ADGRL2: variants seen among roughly 807,000 people sequenced by gnomAD.
ADGRL2 encodes adhesion G protein-coupled receptor L2, also known as calcium-independent alpha-latrotoxin receptor 2.
A neutral mutation model predicts 157.4 loss-of-function variants in ADGRL2; 44 were observed. The ratio of observed to expected loss-of-function variants is 0.28; its 90% CI spans 0.22 to 0.36. The LOEUF (loss-of-function observed/expected upper bound fraction) is 0.36, where lower values mean the gene tolerates loss of function less well. Ranked by LOEUF, ADGRL2 falls within the 10% of genes least tolerant of loss-of-function variation. The pLI, the probability that ADGRL2 is intolerant of heterozygous loss-of-function variation, is 1.00. For missense variants in ADGRL2, 1,510 were observed against 1,768.9 expected, an observed-to-expected ratio of 0.85 and a Z score of 2.63; for synonymous variants, 585 against 624.7, an observed-to-expected ratio of 0.94 and a Z score of 0.95.
intron 3 of ADGRL2, among the ~76,000 whole-genome samples, chr1:81,918,994 A>G (rs989808198): frequency 1.2e-4 from 18 of 152,136 alleles, no homozygotes; most frequent in Admixed American, 4.6e-4. Flanking sequence ...TTTAGACCCC[A>G]CAAAACTTGA....
intron 2 of ADGRL2, among the ~76,000 whole-genome samples, chr1:81,844,796 A>C (rs1336504560): frequency 6.6e-6 from 1 of 152,194 alleles, no homozygotes; most frequent in Non-Finnish European, 1.5e-5. Context: ...TCAGCACTTC[A>C]GGAAGCAGAA....
intron 3 of ADGRL2, among the ~76,000 whole-genome samples, chr1:81,674,025 T>C (rs1277928195): frequency 1.3e-5 from 2 of 152,160 alleles, no homozygotes; most frequent in African/African-American, 4.8e-5. Flanking sequence ...ATTATCTGAG[T>C]CCTGGCAACA....
intron 1 of ADGRL2, among the ~76,000 whole-genome samples, chr1:81,353,640 G>GA (rs1377159846): frequency 2.2e-4 from 33 of 152,280 alleles, no homozygotes; most frequent in Middle Eastern, 6.8e-3. Flanking sequence ...GTGAAGAAGA[G>GA]AAAAAAATCT....
intron 1 of ADGRL2, among the ~76,000 whole-genome samples, chr1:81,341,239 A>G (rs1251954332): frequency 1.3e-5 from 2 of 152,182 alleles, no homozygotes; most frequent in South Asian, 4.1e-4. Flanking sequence ...AGGAAACTCA[A>G]TATTGATTAT....
intron 17 of ADGRL2, among the ~76,000 whole-genome samples, chr1:81,972,121 C>T (rs1331124766): frequency 2.0e-5 from 3 of 151,986 alleles, no homozygotes; most frequent in South Asian, 2.1e-4. Flanking sequence ...CTAAAAAGTA[C>T]TTTTTCTCAT....
intron 3 of ADGRL2, among the ~76,000 whole-genome samples, chr1:81,602,453 C>A (rs141727877): frequency 4.6e-5 from 7 of 151,936 alleles, no homozygotes; most frequent in African/African-American, 1.7e-4. Flanking sequence ...AATAGCCCGG[C>A]GTGGTGGTGG....
chr1:81,984,645 G>A lies in ADGRL2; in HGVS notation c.3345G>A (p.Glu1115=). 6.2e-7 allele frequency: 1 copy of A among 1,612,918 alleles called. No individual in the cohort carries two copies. The highest frequency in any genetic ancestry group is 1.3e-5 in the African/African-American group (1 of 74,938). Reference sequence around the variant, plus strand: ...ACTGCTGTGGAGGCCTCCCAACTGAGAGTCCCCACAGTTCAGTGAAGGCAT... The same window carrying A: ...ACTGCTGTGGAGGCCTCCCAACTGAAAGTCCCCACAGTTCAGTGAAGGCAT... ...HSYCCGGLPT[E]SPHSSVKAST... Residue 1115 remains glutamate (E), a synonymous_variant, in exon 20 of 24, where the codon GAG becomes GAA. Transcript: ENST00000686636.
At position 81,969,161 on chromosome 1, in the gene ADGRL2, T is replaced by A; in HGVS notation, c.2524-17T>A. ...AATGCAGGAATACTAATGTTCCTCA[T>A]ATCTTTTTATTTTCAGTATAAAGAT... On this transcript the variant is annotated splice_polypyrimidine_tract_variant and intron_variant, in intron 14 of 23. Coordinates refer to ENST00000686636, the MANE Select transcript of ADGRL2 (RefSeq NM_001366006.2). 6.4e-7 allele frequency: 1 copy of A among 1,570,024 alleles called. No individual in the cohort carries two copies. Among genetic ancestry groups the A allele is most frequent in the African/African-American group, 1.3e-5 (1 of 74,136 alleles).
chr1:81,834,419 G>A (rs1261606468), intron 1 of ADGRL2, among the ~76,000 whole-genome samples: 1 of 152,096 alleles, frequency 6.6e-6, no homozygotes, highest in Non-Finnish European at 1.5e-5. Context: ...CTATGCCAGT[G>A]GTTTGGCTCC....
chr1:81,680,068 T>G (rs1226982032), intron 3 of ADGRL2, among the ~76,000 whole-genome samples: 1 of 152,170 alleles, frequency 6.6e-6, no homozygotes, highest in Admixed American at 6.5e-5. Context: ...GGGAAAATAG[T>G]GTAAAGTTAC....
chr1:81,476,169 GAGAA>G (rs901703635), intron 2 of ADGRL2, among the ~76,000 whole-genome samples: 1 of 151,316 alleles, frequency 6.6e-6, no homozygotes, highest in East Asian at 1.9e-4. Context: ...GTGACAGAGA[GAGAA>G]AGAAAAAGAA....
rs574008631 is a variant in ADGRL2 at position 81,949,681 on chromosome 1, G to A, written c.1211-508G>A. ...TGATCATGCTCAGGCAAGAACGGCT[G>A]CTGGGTGGAAAGATGTCACAGTATT... On this transcript the variant is annotated intron_variant, in intron 6 of 23. Coordinates refer to ENST00000686636, the MANE Select transcript of ADGRL2 (RefSeq NM_001366006.2). Among the ~76,000 whole-genome samples, 6 of 152,340 alleles carry A rather than the reference G, an allele frequency of 3.9e-5. No individual in the cohort carries two copies. In the South Asian group the frequency reaches 1.2e-3, roughly 32 times the overall value.
chr1:81,493,188 A>C (rs1273555126), intron 2 of ADGRL2, among the ~76,000 whole-genome samples: 2 of 152,208 alleles, frequency 1.3e-5, no homozygotes, highest in East Asian at 1.9e-4. Flanking sequence ...AGAAATTATC[A>C]AACAAATGTA....
chr1:81,526,719 T>C (rs916342128), intron 2 of ADGRL2, among the ~76,000 whole-genome samples: 1 of 152,246 alleles, frequency 6.6e-6, no homozygotes, highest in Admixed American at 6.5e-5. Context: ...CTTATGTAAA[T>C]ATGCCTACCT....
intron 3 of ADGRL2, among the ~76,000 whole-genome samples, chr1:81,592,723 A>G (rs1297603174): frequency 6.6e-6 from 1 of 152,156 alleles, no homozygotes; most frequent in Non-Finnish European, 1.5e-5. Flanking sequence ...TTGGTCCTAC[A>G]GGAAGCTCTG....
chr1:81,535,010 A>G (rs1395552074), intron 2 of ADGRL2, among the ~76,000 whole-genome samples: 1 of 152,016 alleles, frequency 6.6e-6, no homozygotes, highest in Non-Finnish European at 1.5e-5. Context: ...TCTCTTTTTA[A>G]CCCACAATCA....
intron 3 of ADGRL2, chr1:81,586,252 A>G (rs1459532586): frequency 6.6e-6 from 1 of 152,032 alleles, no homozygotes; most frequent in African/African-American, 2.4e-5. Context: ...ACATATCTGT[A>G]ATCTTCACCC....
intron 1 of ADGRL2, among the ~76,000 whole-genome samples, chr1:81,366,389 G>A (rs950363314): frequency 1.3e-5 from 2 of 152,102 alleles, no homozygotes; most frequent in South Asian, 2.1e-4. Context: ...AATATTTATA[G>A]CAACATGCCA....
At chr1:81,703,430 G>A (rs1184109801) in intron 1 of ADGRL2, among the ~76,000 whole-genome samples, 1 of 152,080 alleles carries the variant, frequency 6.6e-6, no homozygotes, top group Non-Finnish European at 1.5e-5. Flanking sequence ...TTCTGTTGTT[G>A]TTGTTGTTGT....
Sources: gnomAD v4.1 joint callset for allele counts (sites outside exome capture counted in the v4.1 genomes callset) on GRCh38, gnomAD v4.1.1 for gene constraint, MANE v1.5 for transcripts, NCBI Gene and HGNC (gene_info 2026-07-23, HGNC 2026-07-21) for gene names.